Variants in SH2B3 observed in about 807,000 individuals in gnomAD.
SH2B3 encodes SH2B adapter protein 3.
In SH2B3, 43 loss-of-function variants were observed where a neutral mutation model predicts 51.9. The observed-to-expected ratio is 0.83, with a 90% CI of 0.65 to 1.07. SH2B3 has a LOEUF of 1.07. SH2B3 is among the 50% of genes least tolerant of loss of function. The pLI, the probability that SH2B3 is intolerant of heterozygous loss-of-function variation, is 0.00. For missense variants in SH2B3, 952 were observed against 834.3 expected (o/e 1.14, Z -1.74); for synonymous variants, 396 against 376.0 (o/e 1.05, Z -0.62).
rs1593065804 is a variant in SH2B3, at chr12:111,438,895, C to G, written c.733-7858C>G. On this transcript the variant is annotated intron_variant, in intron 2 of 7. Transcript: ENST00000341259. The surrounding 1 kb of genome is among the most constrained non-coding windows in gnomAD (Gnocchi z 4.2). The stretch of plus-strand genomic sequence containing the variant: ...GGAGGCCAGTGTGGCTGGATCAGAG[C>G]GAGGGAGGGAGGCCCAAGAGGCTGA... Among the ~76,000 whole-genome samples, 1 of 152,104 alleles carries G rather than the reference C, an allele frequency of 6.6e-6. No individual in the cohort carries two copies. Among genetic ancestry groups the G allele is most frequent in the Non-Finnish European group, 1.5e-5 (1 of 68,032 alleles).
chr12:111,441,922 G>A (rs1411250158), intron 2 of SH2B3, among the ~76,000 whole-genome samples: 1 of 151,996 alleles, frequency 6.6e-6, no homozygotes, highest in Non-Finnish European at 1.5e-5. Flanking sequence ...ATCATTTTTG[G>A]AAGAAGGCAA....
chr12:111,427,809 T>C (rs1463320330), intron 2 of SH2B3, among the ~76,000 whole-genome samples: 1 of 152,266 alleles, frequency 6.6e-6, no homozygotes, highest in Non-Finnish European at 1.5e-5. Flanking sequence ...CCACCATTTA[T>C]TGGGCTTTCC....
In SH2B3 at chr12:111,418,903, G is replaced by C; in HGVS notation, c.732+26G>C. The C allele has an allele frequency of 7.2e-7, 1 of 1,387,926 alleles. No individual in the cohort carries two copies. Among genetic ancestry groups the C allele is most frequent in the Non-Finnish European group, 9.2e-7 (1 of 1,082,798 alleles). 86.0% of individuals were successfully genotyped at this position (1,387,926 alleles called of 1,614,324 possible). On this transcript the variant is annotated intron_variant, in intron 2 of 7. Coordinates refer to ENST00000341259, the MANE Select transcript of SH2B3 (RefSeq NM_005475.3). The surrounding 1 kb of genome is among the most constrained non-coding windows in gnomAD (Gnocchi z 6.7). ...GTAAGTAAGCCCTGCCCGCGGGGTT[G>C]CGCACTGCACTGCGCCCTTCGCCTT...
In SH2B3 at chr12:111,406,865, G is replaced by A. The variant is rs931250738; in HGVS notation, c.-28+588G>A. ...GCTGCTGAATTGGGCGGTTCACCAG[G>A]GCTAGGCGTCCCAGAGACAGGTTTC... is the stretch of plus-strand genomic sequence containing the variant. On this transcript the variant is annotated intron_variant, in intron 1 of 7. Transcript: ENST00000341259. The surrounding 1 kb of genome is among the most constrained non-coding windows in gnomAD (Gnocchi z 5.7). Among the ~76,000 whole-genome samples, 3 of 152,164 alleles carry A rather than the reference G, an allele frequency of 2.0e-5. No homozygotes were observed. The highest frequency in any genetic ancestry group is 2.0e-4 in the Admixed American group (3 of 15,278).
rs1870468660 is a variant in SH2B3, at chr12:111,409,020, G to GGACT, written c.-28+2744_-28+2747dup. Reference sequence around the variant, plus strand: ...TCCCACTTCTCCCTGGTAGCAGTATGGACTTTGGGGCCAAATCTGGGCTCT... The same window carrying GGACT: ...TCCCACTTCTCCCTGGTAGCAGTATGGACTGACTTTGGGGCCAAATCTGGGCTCT... On this transcript the variant is annotated intron_variant, in intron 1 of 7. Coordinates refer to ENST00000341259, the MANE Select transcript of SH2B3 (RefSeq NM_005475.3). This position sits in a 1 kb window ranked among gnomAD's most constrained non-coding sequence, Gnocchi z 4.0. Among the ~76,000 whole-genome samples the GGACT allele has an allele frequency of 6.6e-6, 1 of 152,210 alleles. No homozygotes were observed. Among genetic ancestry groups the GGACT allele is most frequent in the Admixed American group, 6.5e-5 (1 of 15,288 alleles).
chr12:111,444,627 C>T (rs1873752371), intron 2 of SH2B3: 1 of 487,576 alleles, frequency 2.1e-6, no homozygotes, highest in African/African-American at 2.0e-5. Flanking sequence ...GAGGAGGGAA[C>T]CTAAAGCCCC....
In SH2B3 at chr12:111,446,824, G is replaced by A. The variant is rs1333297458; in HGVS notation, c.804G>A (p.Met268Ile). ...QEVRWCTRLE[M>I]PDNLYTFVLK... ...TCCGGTGGTGCACACGGCTTGAGAT[G>A]CCTGACAACCTTTACACCTTTGTGC... The change falls in exon 3 of 8, where the codon ATG (methionine) becomes ATA (isoleucine). Residue 268 changes from methionine to isoleucine, a missense_variant. Met to Ile is a conservative substitution (Grantham distance 10). Coordinates refer to ENST00000341259, the MANE Select transcript of SH2B3 (RefSeq NM_005475.3). 5 of 1,587,436 alleles carry A rather than the reference G, an allele frequency of 3.1e-6. No homozygotes were observed. The highest frequency in any genetic ancestry group is 4.3e-6 in the Non-Finnish European group (5 of 1,163,816).
rs1252209646 is a variant in SH2B3 at position 111,447,202 on chromosome 12, C to G, written c.1004C>G (p.Thr335Arg). 1 of 1,613,316 alleles carries G rather than the reference C, an allele frequency of 6.2e-7. No homozygotes were observed. Among genetic ancestry groups the G allele is most frequent in the Non-Finnish European group, 8.5e-7 (1 of 1,179,244 alleles). The change falls in exon 5 of 8, where the codon ACA (threonine) becomes AGA (arginine). Residue 335 changes from threonine to arginine, a missense_variant. Transcript: ENST00000341259. ...ACGTCCAGCTCCCCAAGGGGCAGCACAGATTCCCTTAACCAAGGTGGGTAA... is the reference window on the plus strand; with the variant it reads ...ACGTCCAGCTCCCCAAGGGGCAGCAGAGATTCCCTTAACCAAGGTGGGTAA... ...PSTSSSPRGS[T>R]DSLNQGASPG...
In SH2B3 at chr12:111,418,668, C is replaced by CGGCCT; in HGVS notation, c.533_537dup (p.Lys180TrpfsTer19). Reference sequence around the variant, plus strand: ...CGGAGAGGCTGCTGAGACCCCCGCCCGGCCTGGCCTGGCCAAGAAGTTCCT... The same window carrying CGGCCT: ...CGGAGAGGCTGCTGAGACCCCCGCCCGGCCTGGCCTGGCCTGGCCAAGAAGTTCCT... On this transcript the variant is annotated frameshift_variant, in exon 2 of 8. Coordinates refer to ENST00000341259, the MANE Select transcript of SH2B3 (RefSeq NM_005475.3). LOFTEE classifies it high-confidence loss of function. The surrounding 1 kb of genome is among the most constrained non-coding windows in gnomAD (Gnocchi z 6.7). The CGGCCT allele has an allele frequency of 6.7e-7, 1 of 1,486,940 alleles. No homozygotes were observed. Among genetic ancestry groups the CGGCCT allele is most frequent in the Non-Finnish European group, 8.9e-7 (1 of 1,127,092 alleles). 92.1% of individuals were successfully genotyped at this position (1,486,940 alleles called of 1,614,324 possible).
In SH2B3 at chr12:111,438,809, G is replaced by T. The variant is rs1344848132; in HGVS notation, c.733-7944G>T. On this transcript the variant is annotated intron_variant, in intron 2 of 7. Coordinates refer to ENST00000341259, the MANE Select transcript of SH2B3 (RefSeq NM_005475.3). The surrounding 1 kb of genome is among the most constrained non-coding windows in gnomAD (Gnocchi z 4.2). ...AAAGCAGTCGTATTTGTGAAGCTGT[G>T]GGGGGAGCTGCCTCTCTGAGGGCAC... is the stretch of plus-strand genomic sequence containing the variant. 6.6e-6 allele frequency among the ~76,000 whole-genome samples: 1 copy of T among 152,172 alleles called. No homozygotes were observed. The highest frequency in any genetic ancestry group is 2.1e-4 in the South Asian group (1 of 4,828).
chr12:111,444,896 C>T (rs948718902), intron 2 of SH2B3: 10 of 985,320 alleles, frequency 1.0e-5, no homozygotes, highest in Non-Finnish European at 1.2e-5. Flanking sequence ...ACTTGGCAGG[C>T]TTGGGTTGAG....
rs992542291 is a variant in SH2B3 at position 111,410,451 on chromosome 12, A to T, written c.-28+4174A>T. Among the ~76,000 whole-genome samples, 2 of 152,162 alleles carry T rather than the reference A, an allele frequency of 1.3e-5. No individual in the cohort carries two copies. Among genetic ancestry groups the T allele is most frequent in the South Asian group, 4.1e-4 (2 of 4,832 alleles). Reference sequence around the variant, plus strand: ...CAACCCAGAGGCAGTGAAAGGAAGAAGCCACGGCCTTGGGATGGGGGGCGT... The same window carrying T: ...CAACCCAGAGGCAGTGAAAGGAAGATGCCACGGCCTTGGGATGGGGGGCGT... On this transcript the variant is annotated intron_variant, in intron 1 of 7. Transcript: ENST00000341259. This position sits in a 1 kb window ranked among gnomAD's most constrained non-coding sequence, Gnocchi z 4.9.
At position 111,406,866 on chromosome 12, in the gene SH2B3, G is replaced by GA. The variant is rs1469433080; in HGVS notation, c.-28+589_-28+590insA. Among the ~76,000 whole-genome samples, 3 of 152,202 alleles carry GA rather than the reference G, an allele frequency of 2.0e-5. No individual in the cohort carries two copies. Among genetic ancestry groups the GA allele is most frequent in the African/African-American group, 7.2e-5 (3 of 41,464 alleles). ...CTGCTGAATTGGGCGGTTCACCAGG[G>GA]CTAGGCGTCCCAGAGACAGGTTTCT... On this transcript the variant is annotated intron_variant, in intron 1 of 7. Transcript: ENST00000341259. The surrounding 1 kb of genome is among the most constrained non-coding windows in gnomAD (Gnocchi z 5.7).
At position 111,418,796 on chromosome 12, in the gene SH2B3, G is replaced by A; in HGVS notation, c.651G>A (p.Trp217Ter). The change falls in exon 2 of 8, where the codon TGG becomes TGA. Residue 217 changes from tryptophan (W) to a stop codon, truncating the protein, a stop_gained. Coordinates refer to ENST00000341259, the MANE Select transcript of SH2B3 (RefSeq NM_005475.3). LOFTEE classifies it high-confidence loss of function. The surrounding 1 kb of genome is among the most constrained non-coding windows in gnomAD (Gnocchi z 6.7). Reference sequence around the variant, plus strand: ...CCTCCATGGACAGCGGGGCACGCTGGCAGCGCGGGAGGCTGGCGCTGCGCC... The same window carrying A: ...CCTCCATGGACAGCGGGGCACGCTGACAGCGCGGGAGGCTGGCGCTGCGCC... ...DEASMDSGAR[W>*]QRGRLALRRA... 6.9e-7 allele frequency: 1 copy of A among 1,453,738 alleles called. No homozygotes were observed. The highest frequency in any genetic ancestry group is 9.0e-7 in the Non-Finnish European group (1 of 1,113,570). The allele number at this position is 1,453,738 out of a possible 1,614,324, so 90.1% of individuals were successfully genotyped here.
rs1296085984 is a variant in SH2B3, at chr12:111,418,400, G to T, written c.255G>T (p.Pro85=). 1 of 1,493,714 alleles carries T rather than the reference G, an allele frequency of 6.7e-7. No individual in the cohort carries two copies. The allele number at this position is 1,493,714 out of a possible 1,614,324, so 92.5% of individuals were successfully genotyped here. ...FCREVRDGRA[P]GRDYRDTGRG... The stretch of plus-strand genomic sequence containing the variant: ...GCGAGGTGCGCGACGGACGGGCGCC[G>T]GGCCGCGACTACCGGGACACAGGCC... The change falls in exon 2 of 8, where the codon CCG becomes CCT. Residue 85 remains proline, a synonymous_variant. Coordinates refer to ENST00000341259, the MANE Select transcript of SH2B3 (RefSeq NM_005475.3). This position sits in a 1 kb window ranked among gnomAD's most constrained non-coding sequence, Gnocchi z 6.7.
Position 111,446,834 on chromosome 12 carries a change from C to T in SH2B3, c.814C>T (p.Leu272Phe), listed in dbSNP as rs772587514. ...WCTRLEMPDN[L>F]YTFVLKVKDR... ...CACACGGCTTGAGATGCCTGACAAC[C>T]TTTACACCTTTGTGCTGAAGGTGAG... Residue 272 changes from leucine to phenylalanine, a missense_variant, in exon 3 of 8, where the codon CTT (leucine) becomes TTT (phenylalanine). By Grantham distance (22) the Leu-to-Phe change is conservative. Coordinates refer to ENST00000341259, the MANE Select transcript of SH2B3 (RefSeq NM_005475.3). The T allele has an allele frequency of 3.1e-6, 5 of 1,597,730 alleles. No homozygotes were observed. In the African/African-American group the frequency reaches 5.4e-5, roughly 17 times the overall value.
chr12:111,407,076 G>A lies in SH2B3; in HGVS notation c.-28+799G>A, dbSNP rs889581224. 6.6e-6 allele frequency among the ~76,000 whole-genome samples: 1 copy of A among 152,154 alleles called. No individual in the cohort carries two copies. The highest frequency in any genetic ancestry group is 1.5e-5 in the Non-Finnish European group (1 of 68,000). On this transcript the variant is annotated intron_variant, in intron 1 of 7. Coordinates refer to ENST00000341259, the MANE Select transcript of SH2B3 (RefSeq NM_005475.3). This position sits in a 1 kb window ranked among gnomAD's most constrained non-coding sequence, Gnocchi z 4.3. ...CCTCCGGCCAGGGGAGCTTTGTTTT[G>A]AGGGAGGGGGACTGCATTTGAGGAA...
chr12:111,405,721 G>C (rs1322358838), upstream of SH2B3, among the ~76,000 whole-genome samples: 2 of 152,216 alleles, frequency 1.3e-5, no homozygotes, highest in Non-Finnish European at 2.9e-5. The surrounding 1 kb of genome is among the most constrained non-coding windows in gnomAD (Gnocchi z 5.4). Context: ...CGCCAGGAGA[G>C]CCCTCCGACC....
At chr12:111,421,006 C>T (rs1413057534) in intron 2 of SH2B3, among the ~76,000 whole-genome samples, 2 of 152,120 alleles carry the variant, frequency 1.3e-5, no homozygotes, top group Non-Finnish European at 2.9e-5. Flanking sequence ...TGACCAGCAC[C>T]CCAGAGGGCT....
Sources: allele counts gnomAD v4.1 joint callset (sites outside exome capture counted in the v4.1 genomes callset), GRCh38; gene constraint gnomAD v4.1.1; non-coding constraint Gnocchi (gnomAD v3.1); transcripts MANE v1.5; gene names NCBI Gene and HGNC (gene_info 2026-07-23, HGNC 2026-07-21).